Variants in ZZZ3 observed in about 807,000 individuals in gnomAD.
ZZZ3 encodes ZZ-type zinc finger-containing protein 3.
ZZZ3 carries 22 observed loss-of-function variants against 95.2 expected under a neutral mutation model. The observed-to-expected ratio is 0.23, with a 90% CI of 0.17 to 0.33. The LOEUF (loss-of-function observed/expected upper bound fraction) is 0.33. Among genes scored for constraint, ZZZ3 ranks in the 10% least tolerant of loss-of-function variants. ZZZ3 has a pLI of 1.00. For missense variants in ZZZ3, 885 were observed against 1,066.5 expected (o/e 0.83, Z 2.37); for synonymous variants, 335 against 358.9 (o/e 0.93, Z 0.75).
chr1:77,653,697 G>A (rs112205007), intron 1 of ZZZ3, among the ~76,000 whole-genome samples: 4,022 of 152,146 alleles, frequency 0.026, 56 homozygotes, highest in Middle Eastern at 0.079. Flanking sequence ...AGGTTGCGGT[G>A]AGCCTAGATC....
At position 77,618,763 on chromosome 1, in the gene ZZZ3, A is replaced by G. The variant is rs568407298; in HGVS notation, c.1505+13087T>C. On this transcript the variant is annotated intron_variant, in intron 5 of 14. Transcript: ENST00000370801. ...TCCTTGTTAGTTTTAAATAGCTTAA[A>G]GAAGTTATTTACTAGTCACTGAATT... Among the ~76,000 whole-genome samples the G allele has an allele frequency of 2.6e-5, 4 of 152,352 alleles. No individual in the cohort carries two copies. In the South Asian group the frequency reaches 8.3e-4, roughly 32 times the overall value.
intron 1 of ZZZ3, among the ~76,000 whole-genome samples, chr1:77,655,429 C>A (rs1670182077): frequency 6.6e-6 from 1 of 152,148 alleles, no homozygotes; most frequent in Admixed American, 6.6e-5. Context: ...CAAGTTTAAG[C>A]CCCTTCAGCC....
At chr1:77,571,348 G>A (rs1661366377) in intron 12 of ZZZ3, among the ~76,000 whole-genome samples, 2 of 152,172 alleles carry the variant, frequency 1.3e-5, no homozygotes, top group Admixed American at 1.3e-4. Flanking sequence ...CTTATGCACT[G>A]TTGGTGAGAA....
chr1:77,653,397 C>T (rs1557765391), intron 1 of ZZZ3, among the ~76,000 whole-genome samples: 1 of 152,184 alleles, frequency 6.6e-6, no homozygotes, highest in Non-Finnish European at 1.5e-5. Flanking sequence ...CTAAAAATCA[C>T]CAAATTGTAT....
Position 77,619,844 on chromosome 1 carries a change from CT to C in ZZZ3, c.1505+12005del, listed in dbSNP as rs749195903. Among the ~76,000 whole-genome samples the C allele has an allele frequency of 9.2e-5, 14 of 152,138 alleles. No homozygotes were observed. In the East Asian group the frequency reaches 2.3e-3, roughly 25 times the overall value. ...CGAAAATTTAAATGTTAAAAAATCA[CT>C]AACACTATATAAAATTCAGAATCTT... On this transcript the variant is annotated intron_variant, in intron 5 of 14. Coordinates refer to ENST00000370801, the MANE Select transcript of ZZZ3 (RefSeq NM_015534.6).
At chr1:77,656,363 TAAATGACTA>T (rs766206840) in intron 1 of ZZZ3, among the ~76,000 whole-genome samples, 3 of 152,220 alleles carry the variant, frequency 2.0e-5, no homozygotes, top group Non-Finnish European at 2.9e-5. Flanking sequence ...AGGTAATAAA[TAAATGACTA>T]CTTAATCCTC....
At chr1:77,654,254 G>C (rs1483148881) in intron 1 of ZZZ3, among the ~76,000 whole-genome samples, 2 of 149,828 alleles carry the variant, frequency 1.3e-5, no homozygotes, top group African/African-American at 4.9e-5. Flanking sequence ...TCCAGGCCAA[G>C]GTGAGTTCAC....
intron 1 of ZZZ3, among the ~76,000 whole-genome samples, chr1:77,681,753 G>A (rs923180689): frequency 3.9e-5 from 6 of 152,016 alleles, no homozygotes; most frequent in African/African-American, 7.2e-5. Context: ...TTAGCCGGGC[G>A]TGGTGAAGCG....
At chr1:77,604,049 T>A (rs1366429922) in intron 5 of ZZZ3, among the ~76,000 whole-genome samples, 2 of 152,128 alleles carry the variant, frequency 1.3e-5, no homozygotes, top group Non-Finnish European at 1.5e-5. Context: ...ACACCGGTAG[T>A]CCTAGCTACT....
intron 1 of ZZZ3, among the ~76,000 whole-genome samples, chr1:77,644,087 C>T (rs278838): frequency 0.25 from 37,251 of 149,886 alleles, 4,727 homozygotes; most frequent in South Asian, 0.38. Context: ...CTTTTTGAGA[C>T]GGCGTTTTGC....
At chr1:77,647,884 C>T (rs1344709745) in intron 1 of ZZZ3, among the ~76,000 whole-genome samples, 1 of 152,116 alleles carries the variant, frequency 6.6e-6, no homozygotes, top group African/African-American at 2.4e-5. Flanking sequence ...GCAAACTGAG[C>T]TCTAGACTAA....
chr1:77,650,786 T>G (rs934800361), intron 1 of ZZZ3, among the ~76,000 whole-genome samples: 2 of 151,946 alleles, frequency 1.3e-5, no homozygotes, highest in African/African-American at 4.8e-5. Flanking sequence ...AAAAGCTGAT[T>G]CCTTAAGAAA....
intron 12 of ZZZ3, among the ~76,000 whole-genome samples, chr1:77,575,111 G>A (rs1242538792): frequency 6.6e-6 from 1 of 152,208 alleles, no homozygotes; most frequent in African/African-American, 2.4e-5. Flanking sequence ...TTGAACCTGG[G>A]AGGCAGAGGC....
rs10581619 is a variant in ZZZ3 at position 77,568,471 on chromosome 1, C to CA, written c.2332-6dup. The CA allele has an allele frequency of 0.016, 9,234 of 591,534 alleles. 52 individuals are homozygous for CA. The highest frequency in any genetic ancestry group is 0.058 in the African/African-American group (2,177 of 37,612). The allele number at this position is 591,534 out of a possible 1,614,324, so 36.6% of individuals were successfully genotyped here. A position where few individuals can be genotyped will look rare whatever the true frequency, so the allele number is the denominator to read the frequency against. On this transcript the variant is annotated splice_region_variant and splice_polypyrimidine_tract_variant and intron_variant, in intron 12 of 14. Coordinates refer to ENST00000370801, the MANE Select transcript of ZZZ3 (RefSeq NM_015534.6). ...GATAGGAATACTTTCGTCATCCTAT[C>CA]AAAAAAAAAAAAAAAAAAAAATGTT...
chr1:77,575,516 A>G (rs558471758), intron 12 of ZZZ3, among the ~76,000 whole-genome samples: 46 of 152,352 alleles, frequency 3.0e-4, no homozygotes, highest in African/African-American at 1.0e-3. Context: ...GAAGTTCAGA[A>G]AACAGAGGAA....
intron 1 of ZZZ3, among the ~76,000 whole-genome samples, chr1:77,643,134 C>A (rs1313698698): frequency 6.6e-6 from 1 of 151,454 alleles, no homozygotes; most frequent in African/African-American, 2.4e-5. Context: ...GGCAGTGAGA[C>A]CTGATTGCAT....
At chr1:77,579,290 A>G (rs569479326) in intron 10 of ZZZ3, among the ~76,000 whole-genome samples, 24 of 152,364 alleles carry the variant, frequency 1.6e-4, no homozygotes, top group African/African-American at 5.5e-4. Flanking sequence ...TTCAAGAGAA[A>G]TTAAGTCCAT....
intron 5 of ZZZ3, among the ~76,000 whole-genome samples, chr1:77,596,668 GA>G (rs1227579901): frequency 1.3e-5 from 2 of 152,080 alleles, no homozygotes; most frequent in Non-Finnish European, 2.9e-5. Context: ...AAGGCAAGAG[GA>G]ACTGTACATA....
intron 1 of ZZZ3, among the ~76,000 whole-genome samples, chr1:77,661,450 A>C (rs1250593269): frequency 6.6e-6 from 1 of 152,162 alleles, no homozygotes; most frequent in Non-Finnish European, 1.5e-5. Flanking sequence ...ACAATGGTAC[A>C]GAAAAACCAA....
Sources: gnomAD v4.1 joint callset for allele counts (sites outside exome capture counted in the v4.1 genomes callset) on GRCh38, gnomAD v4.1.1 for gene constraint, MANE v1.5 for transcripts, NCBI Gene and HGNC (gene_info 2026-07-23, HGNC 2026-07-21) for gene names.